Variants in NFYC observed in about 807,000 individuals in gnomAD.
NFYC encodes nuclear transcription factor Y subunit gamma, also known as CAAT box DNA-binding protein subunit C.
In NFYC, 25 loss-of-function variants were observed where a neutral mutation model predicts 53.1. That is an observed-to-expected ratio of 0.47 (90% CI 0.34 to 0.66). The LOEUF (loss-of-function observed/expected upper bound fraction) is 0.66, where lower values mean the gene tolerates loss of function less well. NFYC is among the 30% of genes least tolerant of loss of function. The probability of loss-of-function intolerance (pLI) is 0.01; values close to 1 mark genes in which losing one functional copy is unlikely to be tolerated. For missense variants in NFYC, 260 were observed against 422.7 expected, an observed-to-expected ratio of 0.62 and a Z score of 3.38; for synonymous variants, 145 against 152.6, an observed-to-expected ratio of 0.95 and a Z score of 0.37.
At position 40,770,264 on chromosome 1, in the gene NFYC, C is replaced by T. The variant is rs1570772727; in HGVS notation, c.889-445C>T. On this transcript the variant is annotated intron_variant, in intron 9 of 9. Transcript: ENST00000447388. This position sits in a 1 kb window ranked among gnomAD's most constrained non-coding sequence, Gnocchi z 5.3. ...AATTCAGTTTAGTTTCAACCTGAGC[C>T]AGATATTCTGAGAAAAGAAGGAGAG... 2 of 891,674 alleles carry T rather than the reference C, an allele frequency of 2.2e-6. No homozygotes were observed. The highest frequency in any genetic ancestry group is 3.3e-6 in the Non-Finnish European group (2 of 598,342). The allele number at this position is 891,674 out of a possible 1,614,324, so 55.2% of individuals were successfully genotyped here. A position where few individuals can be genotyped will look rare whatever the true frequency, so the allele number is the denominator to read the frequency against.
intron 1 of NFYC, chr1:40,735,597 A>G: frequency 2.0e-6 from 2 of 985,400 alleles, no homozygotes; most frequent in South Asian, 4.7e-5. Context: ...TTTAAATCGT[A>G]CAGGTCTTTG....
chr1:40,700,482 C>T (rs765438519), intron 1 of NFYC, among the ~76,000 whole-genome samples: 1 of 152,108 alleles, frequency 6.6e-6, no homozygotes, highest in Non-Finnish European at 1.5e-5. Flanking sequence ...GCTGGGACTA[C>T]AGGGATGTAG....
intron 1 of NFYC, chr1:40,723,307 C>G (rs1327331488): frequency 6.6e-6 from 1 of 152,194 alleles, no homozygotes; most frequent in African/African-American, 2.4e-5. Flanking sequence ...TAGAATACAA[C>G]TTAACTTAGG....
intron 3 of NFYC, among the ~76,000 whole-genome samples, chr1:40,749,043 T>G (rs1160441629): frequency 6.6e-6 from 1 of 152,208 alleles, no homozygotes; most frequent in Admixed American, 6.5e-5. Flanking sequence ...CAAGAAAGTT[T>G]ATATGGCTTG....
intron 1 of NFYC, among the ~76,000 whole-genome samples, chr1:40,704,161 T>C (rs1643580389): frequency 6.6e-6 from 1 of 151,272 alleles, no homozygotes; most frequent in African/African-American, 2.4e-5. Flanking sequence ...AACCTCCACC[T>C]CCCAGGTTCA....
intron 1 of NFYC, among the ~76,000 whole-genome samples, chr1:40,700,144 C>T (rs924666347): frequency 3.9e-5 from 6 of 152,166 alleles, no homozygotes; most frequent in Non-Finnish European, 8.8e-5. Flanking sequence ...GAACAAGATA[C>T]ATCTTCAAGG....
intron 2 of NFYC, among the ~76,000 whole-genome samples, chr1:40,740,114 T>C (rs2148618438): frequency 6.6e-6 from 1 of 152,314 alleles, no homozygotes; most frequent in Middle Eastern, 3.4e-3. Flanking sequence ...TTTTAGCACA[T>C]ACTAAAGGAG....
intron 4 of NFYC, among the ~76,000 whole-genome samples, chr1:40,751,303 A>C (rs1008436074): frequency 3.9e-5 from 6 of 152,268 alleles, no homozygotes; most frequent in Admixed American, 3.3e-4. Context: ...GATACAATGC[A>C]TTATTACCAC....
chr1:40,714,355 G>A (rs991041810), intron 1 of NFYC, among the ~76,000 whole-genome samples: 4 of 152,158 alleles, frequency 2.6e-5, no homozygotes, highest in African/African-American at 7.2e-5. Context: ...GTGGTATTAT[G>A]TGTGTATGTG....
intron 7 of NFYC, 89 bp from the exon 8 acceptor site, chr1:40,766,507 G>A (rs1646817688): frequency 1.1e-6 from 1 of 939,762 alleles, no homozygotes. Context: ...AGGGGTAGGG[G>A]GCAATCAACA....
Position 40,766,611 on chromosome 1 carries a change from G to A in NFYC, c.736G>A (p.Gly246Ser), listed in dbSNP as rs754349137. The A allele has an allele frequency of 9.3e-6, 15 of 1,613,730 alleles. No individual in the cohort carries two copies. Among genetic ancestry groups the A allele is most frequent in the East Asian group, 6.7e-5 (3 of 44,882 alleles). ...CCTGCCCTAGGTGCAGCTGAATGCC[G>A]GCCAGCTGCAGTATATCCGCTTAGC... Reference protein sequence around the residue: ...IQQIPVQLNAGQLQYIRLAQP... With the variant: ...IQQIPVQLNASQLQYIRLAQP... Residue 246 changes from glycine (G) to serine (S), a missense_variant, in exon 8 of 10, where the codon GGC becomes AGC. Gly to Ser is a moderately conservative substitution (Grantham distance 56). Coordinates refer to ENST00000447388, the MANE Select transcript of NFYC (RefSeq NM_014223.5).
intron 6 of NFYC, among the ~76,000 whole-genome samples, chr1:40,760,199 C>G (rs1646467024): frequency 6.6e-6 from 1 of 152,182 alleles, no homozygotes; most frequent in Admixed American, 6.5e-5. Flanking sequence ...TTATGCCATC[C>G]TCCCACCTTG....
chr1:40,727,713 A>G (rs546871915), intron 1 of NFYC, among the ~76,000 whole-genome samples: 91 of 151,486 alleles, frequency 6.0e-4, no homozygotes, highest in East Asian at 5.1e-3. Flanking sequence ...GTATTTTTTT[A>G]GTAGAGACAG....
chr1:40,765,761 C>T (rs972485807), intron 7 of NFYC, among the ~76,000 whole-genome samples: 3 of 152,308 alleles, frequency 2.0e-5, no homozygotes, highest in East Asian at 3.9e-4. Flanking sequence ...ATGTGGTAAC[C>T]GCCTTGGTCC....
chr1:40,710,664 G>C lies in NFYC; in HGVS notation c.-9+18797G>C, dbSNP rs188921571. Among the ~76,000 whole-genome samples the C allele has an allele frequency of 3.9e-5, 6 of 152,338 alleles. No homozygotes were observed. The East Asian group carries it at 9.6e-4, about 24-fold the overall frequency. ...CACTTAGTCTCTGGGTACGGAAAAGGAGCAGGCCCTATTAGAGGAGAAGTT... is the reference window on the plus strand; with the variant it reads ...CACTTAGTCTCTGGGTACGGAAAAGCAGCAGGCCCTATTAGAGGAGAAGTT... On this transcript the variant is annotated intron_variant, in intron 1 of 9. Transcript: ENST00000447388.
intron 1 of NFYC, among the ~76,000 whole-genome samples, chr1:40,723,507 A>G (rs922658593): frequency 6.6e-6 from 1 of 152,142 alleles, no homozygotes; most frequent in African/African-American, 2.4e-5. Context: ...TTGAGGATGA[A>G]CAGGTGAGGG....
At chr1:40,746,699 G>A (rs924547365) in intron 2 of NFYC, among the ~76,000 whole-genome samples, 6 of 152,044 alleles carry the variant, frequency 3.9e-5, no homozygotes, top group Non-Finnish European at 7.4e-5. Context: ...TCCTAGAATT[G>A]CATCCATCAT....
At chr1:40,709,773 CTTCAACTAGG>C (rs1643875951) in intron 1 of NFYC, among the ~76,000 whole-genome samples, 1 of 152,134 alleles carries the variant, frequency 6.6e-6, no homozygotes, top group Non-Finnish European at 1.5e-5. Context: ...TTTGCATGTC[CTTCAACTAGG>C]ATTTCTTTCC....
intron 3 of NFYC, among the ~76,000 whole-genome samples, chr1:40,747,841 G>GTTT (rs1227259090): frequency 1.5e-5 from 2 of 136,998 alleles, no homozygotes; most frequent in Non-Finnish European, 3.2e-5. Context: ...TTGATGTTGG[G>GTTT]TTTTTTTTTT....
Sources: gnomAD v4.1 joint callset for allele counts (sites outside exome capture counted in the v4.1 genomes callset) on GRCh38, gnomAD v4.1.1 for gene constraint, Gnocchi (gnomAD v3.1) non-coding constraint, MANE v1.5 for transcripts, NCBI Gene and HGNC (gene_info 2026-07-23, HGNC 2026-07-21) for gene names.